Variants in TBC1D32 observed in about 807,000 individuals in gnomAD.
TBC1D32 encodes the protein protein broad-minded.
TBC1D32 carries 151 observed loss-of-function variants against 170.3 expected under a neutral mutation model. The ratio of observed to expected loss-of-function variants is 0.89; its 90% confidence interval spans 0.78 to 1.01. The LOEUF (loss-of-function observed/expected upper bound fraction) is 1.01. Among genes scored for constraint, TBC1D32 ranks in the 50% least tolerant of loss-of-function variants. The pLI is 0.00. For synonymous variants in TBC1D32, 498 were observed against 488.0 expected, an observed-to-expected ratio of 1.02 and a Z score of -0.27; for missense variants, 1,464 against 1,457.1, an observed-to-expected ratio of 1.00 and a Z score of -0.08.
chr6:121,257,722 GT>G (rs920209172), intron 15 of TBC1D32, among the ~76,000 whole-genome samples: 18 of 151,318 alleles, frequency 1.2e-4, no homozygotes, highest in Admixed American at 4.6e-4. Context: ...TCAAACCCAT[GT>G]TTTTTTTTAT....
chr6:121,239,040 C>T, intron 20 of TBC1D32, 30 bp downstream of exon 20: 2 of 1,232,904 alleles, frequency 1.6e-6, no homozygotes. Context: ...CTTTTCAAAT[C>T]TGTGTATTAT....
chr6:121,307,219 A>T (rs1807461105), intron 5 of TBC1D32, among the ~76,000 whole-genome samples: 1 of 151,766 alleles, frequency 6.6e-6, no homozygotes, highest in South Asian at 2.1e-4. Context: ...TACAAAAAAT[A>T]CAAAAATCAG....
At chr6:121,141,934 G>A (rs989067755) in intron 24 of TBC1D32, among the ~76,000 whole-genome samples, 6 of 152,206 alleles carry the variant, frequency 3.9e-5, no homozygotes, top group Non-Finnish European at 7.3e-5. Flanking sequence ...CAAATAACAA[G>A]GGAATGTAGA....
chr6:121,259,389 G>GA (rs555362294), intron 15 of TBC1D32, among the ~76,000 whole-genome samples: 94 of 152,020 alleles, frequency 6.2e-4, no homozygotes, highest in African/African-American at 1.9e-3. Flanking sequence ...TATCTATATA[G>GA]AAAAAAACAC....
intron 15 of TBC1D32, among the ~76,000 whole-genome samples, chr6:121,271,308 A>C (rs2128425463): frequency 6.6e-6 from 1 of 152,308 alleles, no homozygotes; most frequent in East Asian, 1.9e-4. Context: ...AATTAGGAAA[A>C]GAGGAAGTCA....
intron 30 of TBC1D32, among the ~76,000 whole-genome samples, chr6:121,103,716 T>C (rs891764677): frequency 1.3e-5 from 2 of 151,980 alleles, no homozygotes; most frequent in African/African-American, 4.8e-5. Context: ...ACATGTACCC[T>C]AGAACTTAAA....
At chr6:121,197,411 T>C (rs1344777061) in intron 22 of TBC1D32, among the ~76,000 whole-genome samples, 2 of 152,340 alleles carry the variant, frequency 1.3e-5, no homozygotes, top group African/African-American at 4.8e-5. Context: ...TAGTCATCAA[T>C]ACCAGTTACG....
intron 29 of TBC1D32, 58 bp from the exon 30 acceptor site, chr6:121,106,221 T>A (rs1290730264): frequency 2.8e-5 from 30 of 1,064,726 alleles, no homozygotes; most frequent in Non-Finnish European, 3.5e-5. Flanking sequence ...TAAATATAGA[T>A]CATTTAAAAT....
intron 20 of TBC1D32, among the ~76,000 whole-genome samples, chr6:121,226,338 C>G (rs1009503289): frequency 6.6e-6 from 1 of 151,976 alleles, no homozygotes. Context: ...TGACACTCTT[C>G]AGCAATGTAG....
At chr6:121,111,678 A>T (rs1022251547) in intron 29 of TBC1D32, among the ~76,000 whole-genome samples, 10 of 152,306 alleles carry the variant, frequency 6.6e-5, no homozygotes, top group Admixed American at 2.6e-4. Flanking sequence ...TACTTGAAGC[A>T]TAACATTATA....
intron 12 of TBC1D32, among the ~76,000 whole-genome samples, chr6:121,290,996 T>C (rs1804759412): frequency 6.6e-6 from 1 of 152,056 alleles, no homozygotes; most frequent in South Asian, 2.1e-4. Flanking sequence ...CTGGGGCCTG[T>C]TGTGGGGTTG....
rs371577721 is a variant in TBC1D32 at position 121,304,353 on chromosome 6, G to A, written c.935+12C>T. 882 of 1,612,742 alleles carry A rather than the reference G, an allele frequency of 5.5e-4. 4 individuals are homozygous for A. The highest frequency in any genetic ancestry group is 4.0e-3 in the Middle Eastern group (24 of 6,038). On this transcript the variant is annotated intron_variant, in intron 8 of 31. Transcript: ENST00000398212. ...TAGGTTTTATGCTGGCATACATTGG[G>A]AGGGGACTTACTTCTCTGGATGACG...
At chr6:121,149,374 G>T (rs1783907979) in intron 24 of TBC1D32, among the ~76,000 whole-genome samples, 1 of 151,930 alleles carries the variant, frequency 6.6e-6, no homozygotes, top group Non-Finnish European at 1.5e-5. Context: ...TTTCTTCTGG[G>T]GTCTTTACGG....
chr6:121,317,957 T>C (rs1284340810), intron 2 of TBC1D32, among the ~76,000 whole-genome samples: 1 of 151,914 alleles, frequency 6.6e-6, no homozygotes, highest in East Asian at 1.9e-4. Flanking sequence ...AGGCAAGAGG[T>C]TTCAATGGCA....
chr6:121,299,376 G>C, intron 10 of TBC1D32, 70 bp downstream of exon 10: 1 of 1,409,178 alleles, frequency 7.1e-7, no homozygotes, highest in Non-Finnish European at 9.5e-7. Context: ...ACTTTGCATA[G>C]TCAAGTTATT....
chr6:121,303,063 T>C (rs928793884), intron 9 of TBC1D32, among the ~76,000 whole-genome samples: 2 of 152,116 alleles, frequency 1.3e-5, no homozygotes, highest in Admixed American at 6.6e-5. Context: ...AGACCTCTCT[T>C]AGTTAACAGA....
intron 22 of TBC1D32, among the ~76,000 whole-genome samples, chr6:121,202,260 C>A (rs1791668577): frequency 1.6e-5 from 2 of 125,354 alleles, no homozygotes; most frequent in East Asian, 2.4e-4. Flanking sequence ...TTCCAACATT[C>A]AGAGGTTGAC....
At chr6:121,211,855 G>A (rs1030549233) in intron 21 of TBC1D32, among the ~76,000 whole-genome samples, 3 of 152,064 alleles carry the variant, frequency 2.0e-5, no homozygotes, top group African/African-American at 2.4e-5. Context: ...CTGGACCTGA[G>A]CCAAACTGTG....
At chr6:121,295,718 G>GA (rs1041685582) in intron 10 of TBC1D32, among the ~76,000 whole-genome samples, 25 of 152,084 alleles carry the variant, frequency 1.6e-4, no homozygotes, top group Non-Finnish European at 3.1e-4. Context: ...CTTTAGATAG[G>GA]AAAAAAATAA....
Sources: allele counts gnomAD v4.1 joint callset (sites outside exome capture counted in the v4.1 genomes callset), GRCh38; gene constraint gnomAD v4.1.1; transcripts MANE v1.5; gene names NCBI Gene and HGNC (gene_info 2026-07-23, HGNC 2026-07-21).